TRPC1: variants seen among roughly 807,000 people sequenced by gnomAD.
TRPC1 encodes the protein transient receptor potential cation channel subfamily C member 1, also known as short transient receptor potential channel 1.
Under a neutral mutation model 88.2 loss-of-function variants are expected in TRPC1, and 42 were observed. The observed-to-expected ratio is 0.48, with a 90% confidence interval of 0.37 to 0.62. The LOEUF (loss-of-function observed/expected upper bound fraction) is 0.62, where lower values mean the gene tolerates loss of function less well. Ranked by LOEUF, TRPC1 falls within the 20% of genes least tolerant of loss-of-function variation. The pLI is 0.00. For synonymous variants in TRPC1, 288 were observed against 331.8 expected (o/e 0.87, Z 1.43); for missense variants, 699 against 957.3 (o/e 0.73, Z 3.56).
chr3:142,771,590 C>T (rs1190721393), intron 4 of TRPC1, among the ~76,000 whole-genome samples: 1 of 152,146 alleles, frequency 6.6e-6, no homozygotes, highest in East Asian at 1.9e-4. Flanking sequence ...ATTAATATTA[C>T]TAACCCAAGA....
intron 1 of TRPC1, among the ~76,000 whole-genome samples, chr3:142,728,998 A>C (rs1048549897): frequency 1.3e-5 from 2 of 152,214 alleles, no homozygotes; most frequent in Non-Finnish European, 2.9e-5. Context: ...GCAGCATTCT[A>C]TAAACACTTC....
At chr3:142,757,188 G>A (rs1335757877) in intron 4 of TRPC1, among the ~76,000 whole-genome samples, 1 of 151,906 alleles carries the variant, frequency 6.6e-6, no homozygotes, top group Non-Finnish European at 1.5e-5. Flanking sequence ...ATAAACATGG[G>A]AATGCAGATG....
intron 4 of TRPC1, among the ~76,000 whole-genome samples, chr3:142,759,120 A>C (rs1935088959): frequency 6.6e-6 from 1 of 152,108 alleles, no homozygotes; most frequent in South Asian, 2.1e-4. Context: ...ATTGTGAATA[A>C]TGCCACAATA....
At position 142,776,873 on chromosome 3, in the gene TRPC1, G is replaced by A. The variant is rs958680304; in HGVS notation, c.633-759G>A. The stretch of plus-strand genomic sequence containing the variant: ...AGCCGAGATCGTGCCATTGCACTCC[G>A]GTCTGGTGACAGAGTGAGACTCCAT... On this transcript the variant is annotated intron_variant, in intron 4 of 12. Transcript: ENST00000476941. The surrounding 1 kb of genome is among the most constrained non-coding windows in gnomAD (Gnocchi z 4.1). Among the ~76,000 whole-genome samples the A allele has an allele frequency of 6.6e-6, 1 of 151,430 alleles. No homozygotes were observed. Among genetic ancestry groups the A allele is most frequent in the South Asian group, 2.1e-4 (1 of 4,804 alleles).
chr3:142,792,859 A>G lies in TRPC1; in HGVS notation c.1473A>G (p.Ala491=). ...HDFADRKDWD[A]FHPTLVAEGL... ...TTGCTGATCGGAAGGATTGGGATGCATTCCATCCTACACTGGTGGCAGAAG... is the reference window on the plus strand; with the variant it reads ...TTGCTGATCGGAAGGATTGGGATGCGTTCCATCCTACACTGGTGGCAGAAG... The change falls in exon 9 of 13, where the codon GCA becomes GCG. Residue 491 remains alanine (A), a synonymous_variant. Transcript: ENST00000476941. The surrounding 1 kb of genome is among the most constrained non-coding windows in gnomAD (Gnocchi z 4.0). 6.2e-7 allele frequency: 1 copy of G among 1,602,298 alleles called. No individual in the cohort carries two copies. Among genetic ancestry groups the G allele is most frequent in the Non-Finnish European group, 8.5e-7 (1 of 1,173,838 alleles).
At position 142,724,563 on chromosome 3, in the gene TRPC1, A is replaced by G. The variant is rs1933580816; in HGVS notation, c.4A>G (p.Met2Val). 1 of 1,561,194 alleles carries G rather than the reference A, an allele frequency of 6.4e-7. No homozygotes were observed. Among genetic ancestry groups the G allele is most frequent in the Admixed American group, 1.9e-5 (1 of 53,376 alleles). M[M>V]AALYPSTDLS... ...CCTGCCCCCTTCATGGGCCGCGATG[A>G]TGGCGGCCCTGTACCCGAGCACGGA... The change falls in exon 1 of 13, where the codon ATG becomes GTG. Residue 2 changes from methionine to valine, a missense_variant. Met to Val is a conservative substitution (Grantham distance 21, BLOSUM62 1). This residue lies in a region of TRPC1 where 157 missense variants were observed against 127.0 expected (regional missense o/e 1.24). Coordinates refer to ENST00000476941, the MANE Select transcript of TRPC1 (RefSeq NM_001251845.2). This position sits in a 1 kb window ranked among gnomAD's most constrained non-coding sequence, Gnocchi z 5.6.
chr3:142,796,730 T>C (rs1281550436), intron 9 of TRPC1, among the ~76,000 whole-genome samples: 3 of 152,148 alleles, frequency 2.0e-5, no homozygotes, highest in Non-Finnish European at 4.4e-5. Context: ...AAGTTAAGTG[T>C]AATAAAACGA....
At chr3:142,796,743 T>C (rs531796164) in intron 9 of TRPC1, among the ~76,000 whole-genome samples, 23 of 152,144 alleles carry the variant, frequency 1.5e-4, no homozygotes, top group Non-Finnish European at 2.9e-4. Flanking sequence ...TAAAACGAGG[T>C]ATGCTTGTAT....
At chr3:142,760,901 A>G (rs1332266471) in intron 4 of TRPC1, among the ~76,000 whole-genome samples, 1 of 152,152 alleles carries the variant, frequency 6.6e-6, no homozygotes, top group Non-Finnish European at 1.5e-5. Flanking sequence ...GTTCTTTGAC[A>G]TATATAAATG....
intron 4 of TRPC1, among the ~76,000 whole-genome samples, chr3:142,772,408 G>A (rs1560108201): frequency 6.6e-6 from 1 of 151,928 alleles, no homozygotes; most frequent in Non-Finnish European, 1.5e-5. Context: ...CTTCAAGTTT[G>A]CTAATTCTTT....
At chr3:142,734,965 C>T (rs532076002) in intron 1 of TRPC1, among the ~76,000 whole-genome samples, 8 of 152,198 alleles carry the variant, frequency 5.3e-5, no homozygotes, top group South Asian at 2.1e-4. Context: ...CCAGTAATAG[C>T]GATAAATTTT....
intron 7 of TRPC1, among the ~76,000 whole-genome samples, chr3:142,788,796 G>A (rs191806293): frequency 1.4e-3 from 209 of 152,194 alleles, no homozygotes; most frequent in African/African-American, 4.9e-3. Context: ...GTTATGTAGT[G>A]TTTGTATTGC....
chr3:142,757,614 CAG>C (rs927267992), intron 4 of TRPC1, among the ~76,000 whole-genome samples: 4 of 146,108 alleles, frequency 2.7e-5, no homozygotes, highest in South Asian at 4.3e-4. Flanking sequence ...CACATGGACA[CAG>C]GGGAACATCA....
At chr3:142,796,181 A>G (rs1346998255) in intron 9 of TRPC1, among the ~76,000 whole-genome samples, 1 of 152,114 alleles carries the variant, frequency 6.6e-6, no homozygotes, top group Non-Finnish European at 1.5e-5. Context: ...ATGGTTGGTA[A>G]GTAGCAGAAC....
intron 4 of TRPC1, among the ~76,000 whole-genome samples, chr3:142,754,089 C>CAAA (rs10609600): frequency 2.8e-4 from 24 of 86,054 alleles, no homozygotes; most frequent in East Asian, 1.0e-3. Flanking sequence ...GACTCCGTCT[C>CAAA]AAAAAAAAAA....
intron 2 of TRPC1, among the ~76,000 whole-genome samples, chr3:142,741,151 T>C (rs748698064): frequency 1.1e-4 from 13 of 120,400 alleles, no homozygotes; most frequent in Non-Finnish European, 1.7e-4. Context: ...ATCTGAGAAA[T>C]TGGAAAGCAA....
At chr3:142,769,911 T>G (rs919708596) in intron 4 of TRPC1, among the ~76,000 whole-genome samples, 1 of 152,138 alleles carries the variant, frequency 6.6e-6, no homozygotes, top group Non-Finnish European at 1.5e-5. Context: ...ATAATGTTGT[T>G]TAAGTCTTCT....
rs1935938476 is a variant in TRPC1, at chr3:142,780,913, T to C, written c.844T>C (p.Leu282=). The C allele has an allele frequency of 1.2e-6, 2 of 1,613,904 alleles. No individual in the cohort carries two copies. Among genetic ancestry groups the C allele is most frequent in the African/African-American group, 2.7e-5 (2 of 75,042 alleles). ...TGCACAAGCCCGGAATTCTCGTGAA[T>C]TGGAAGTTATTCTAAACCATACGTC... The part of the protein sequence containing the change: ...LLAQARNSRE[L]EVILNHTSSD... Residue 282 remains leucine (L), a synonymous_variant, in exon 6 of 13, where the codon TTG becomes CTG. Coordinates refer to ENST00000476941, the MANE Select transcript of TRPC1 (RefSeq NM_001251845.2).
chr3:142,778,599 T>A (rs887294249), intron 5 of TRPC1, among the ~76,000 whole-genome samples: 4 of 152,220 alleles, frequency 2.6e-5, no homozygotes, highest in Non-Finnish European at 5.9e-5. Context: ...TACGATTTTT[T>A]ACTAGCCCCT....
Sources: gnomAD v4.1 joint callset for allele counts (sites outside exome capture counted in the v4.1 genomes callset) on GRCh38, gnomAD v4.1.1 for gene constraint, gnomAD v4.1.1 regional missense constraint, Gnocchi (gnomAD v3.1) non-coding constraint, MANE v1.5 for transcripts, NCBI Gene and HGNC (gene_info 2026-07-23, HGNC 2026-07-21) for gene names.